The following SWT1 variants were observed in gnomAD, a reference collection of about 807,000 sequenced individuals.
The protein encoded by SWT1 is transcriptional protein SWT1.
In SWT1, 33 loss-of-function variants were observed where a neutral mutation model predicts 107.3. The ratio of observed to expected loss-of-function variants is 0.31; its 90% confidence interval spans 0.23 to 0.41. SWT1 has a LOEUF of 0.41. Ranked by LOEUF, SWT1 falls within the 10% of genes least tolerant of loss-of-function variation. SWT1 has a pLI of 1.00. For synonymous variants in SWT1, 345 were observed against 348.3 expected (o/e 0.99, Z 0.11); for missense variants, 898 against 1,028.9 (o/e 0.87, Z 1.74).
At chr1:185,217,920 G>A (rs1659344963) in intron 14 of SWT1, among the ~76,000 whole-genome samples, 1 of 152,052 alleles carries the variant, frequency 6.6e-6, no homozygotes, top group Non-Finnish European at 1.5e-5. Context: ...ATATTACAAT[G>A]TAATTATAAT....
chr1:185,168,468 T>A, intron 4 of SWT1, 70 bp downstream of exon 4: 1 of 976,464 alleles, frequency 1.0e-6, no homozygotes, highest in Non-Finnish European at 1.4e-6. Context: ...GATTTAAAAA[T>A]TTTTTTTATT....
At chr1:185,240,427 AT>A (rs1207235829) in intron 16 of SWT1, among the ~76,000 whole-genome samples, 1 of 151,930 alleles carries the variant, frequency 6.6e-6, no homozygotes, top group African/African-American at 2.4e-5. Context: ...GGCAGAGGGA[AT>A]TTCTATTCCT....
At chr1:185,224,880 A>C (rs886276685) in intron 15 of SWT1, among the ~76,000 whole-genome samples, 2 of 152,148 alleles carry the variant, frequency 1.3e-5, no homozygotes, top group Non-Finnish European at 2.9e-5. Flanking sequence ...AGAGTTTTCC[A>C]TATATACGAT....
At chr1:185,239,398 A>G (rs1003970405) in intron 16 of SWT1, among the ~76,000 whole-genome samples, 16 of 152,134 alleles carry the variant, frequency 1.1e-4, no homozygotes, top group Admixed American at 3.9e-4. Flanking sequence ...AGTTTTAAGA[A>G]AACTCTAAAC....
Position 185,221,852 on chromosome 1 carries a change from A to G in SWT1, c.2125A>G (p.Lys709Glu). The change falls in exon 15 of 19, where the codon AAG becomes GAG. Residue 709 changes from lysine (K) to glutamate (E), a missense_variant. Around this residue, in one of 6 missense-constraint regions of SWT1, gnomAD observed 382 missense variants for 460.0 expected, o/e 0.83. Coordinates refer to ENST00000367500, the MANE Select transcript of SWT1 (RefSeq NM_017673.7). ...NNLLQTFAEVKTKLKPNSSEN... is the reference protein window; with the variant it reads ...NNLLQTFAEVETKLKPNSSEN... The stretch of plus-strand genomic sequence containing the variant: ...TATGTAATTCTTATTTCCCCAGGTC[A>G]AGACAAAACTTAAGCCAAATTCTTC... 1 of 1,569,084 alleles carries G rather than the reference A, an allele frequency of 6.4e-7. No individual in the cohort carries two copies. The highest frequency in any genetic ancestry group is 8.6e-7 in the Non-Finnish European group (1 of 1,161,232).
chr1:185,255,992 T>G (rs1191846677), intron 16 of SWT1, among the ~76,000 whole-genome samples: 1 of 151,966 alleles, frequency 6.6e-6, no homozygotes, highest in Non-Finnish European at 1.5e-5. Context: ...ACAAAATCTC[T>G]CAGCATTTGC....
intron 16 of SWT1, among the ~76,000 whole-genome samples, chr1:185,257,681 G>A (rs968238763): frequency 6.6e-6 from 1 of 152,352 alleles, no homozygotes; most frequent in East Asian, 1.9e-4. Flanking sequence ...CCCACTGTCT[G>A]GCACTCCCTA....
intron 13 of SWT1, among the ~76,000 whole-genome samples, chr1:185,211,184 A>C (rs1224635868): frequency 6.6e-6 from 1 of 152,190 alleles, no homozygotes; most frequent in Non-Finnish European, 1.5e-5. Context: ...CAGAATTGGA[A>C]AAAAATACTT....
rs1664257878 is a variant in SWT1 at position 185,276,616 on chromosome 1, G to C, written c.2521G>C (p.Val841Leu). The C allele has an allele frequency of 1.3e-6, 2 of 1,579,654 alleles. No homozygotes were observed. The highest frequency in any genetic ancestry group is 1.4e-5 in the African/African-American group (1 of 74,002). ...TGGTTCCTTTCAGGTAAATAAAAAT[G>C]TCAAATTTACTGCCCAGGAAATTTA... is the stretch of plus-strand genomic sequence containing the variant. Reference protein sequence around the residue: ...FLIKYEVNKNVKFTAQEIYDC... With the variant: ...FLIKYEVNKNLKFTAQEIYDC... The change falls in exon 18 of 19, where the codon GTC (valine) becomes CTC (leucine). Residue 841 changes from valine (V) to leucine (L), a missense_variant. Physicochemically the swap from Val to Leu is conservative, Grantham distance 32. Transcript: ENST00000367500.
At chr1:185,251,445 A>G (rs1662013394) in intron 16 of SWT1, 1 of 152,218 alleles carries the variant, frequency 6.6e-6, no homozygotes, top group Admixed American at 6.5e-5. Context: ...CCATATTATT[A>G]TATACTTGCT....
intron 16 of SWT1, among the ~76,000 whole-genome samples, chr1:185,240,502 T>C (rs1439862636): frequency 1.3e-5 from 2 of 152,092 alleles, no homozygotes; most frequent in African/African-American, 2.4e-5. Context: ...GTATATAGCT[T>C]AGTTTTTTTT....
chr1:185,195,555 A>T (rs897830901), intron 10 of SWT1, among the ~76,000 whole-genome samples: 2 of 152,146 alleles, frequency 1.3e-5, no homozygotes, highest in African/African-American at 4.8e-5. Flanking sequence ...CTGGTTCTAG[A>T]TGCATGAGGA....
chr1:185,170,122 A>G (rs1014042918), intron 4 of SWT1, among the ~76,000 whole-genome samples: 13 of 152,244 alleles, frequency 8.5e-5, no homozygotes, highest in African/African-American at 3.1e-4. Context: ...TAGAATTTGA[A>G]CATTCAATTT....
At chr1:185,239,037 C>T (rs1000084928) in intron 16 of SWT1, among the ~76,000 whole-genome samples, 15 of 152,010 alleles carry the variant, frequency 9.9e-5, no homozygotes, top group African/African-American at 3.6e-4. Flanking sequence ...TAGCTCTATT[C>T]CCTTTTATCT....
At chr1:185,262,786 CTTT>C (rs572086827) in intron 16 of SWT1, among the ~76,000 whole-genome samples, 13 of 135,422 alleles carry the variant, frequency 9.6e-5, no homozygotes, top group African/African-American at 8.2e-5. Flanking sequence ...TTTCTTCTTT[CTTT>C]TTTTTTTTTT....
intron 5 of SWT1, 75 bp from the exon 6 acceptor site, chr1:185,180,316 T>G: frequency 8.4e-7 from 1 of 1,188,860 alleles, no homozygotes. Flanking sequence ...ACCCTGAAGG[T>G]TAATAGTGAC....
At chr1:185,245,912 G>A (rs1232413317) in intron 16 of SWT1, among the ~76,000 whole-genome samples, 1 of 151,922 alleles carries the variant, frequency 6.6e-6, no homozygotes, top group African/African-American at 2.4e-5. Context: ...GGGATTACAG[G>A]CACCCACCAT....
chr1:185,266,598 A>G (rs967862685), intron 16 of SWT1: 1 of 148,238 alleles, frequency 6.7e-6, no homozygotes, highest in Non-Finnish European at 1.5e-5. Context: ...TTCCTTCTCC[A>G]CTCCCACTGC....
intron 14 of SWT1, among the ~76,000 whole-genome samples, chr1:185,215,476 G>A (rs1345074190): frequency 1.3e-5 from 2 of 152,128 alleles, no homozygotes; most frequent in African/African-American, 4.8e-5. Flanking sequence ...CAAGTTTCAT[G>A]TGATTCTTAT....
Sources: allele counts gnomAD v4.1 joint callset (sites outside exome capture counted in the v4.1 genomes callset), GRCh38; gene constraint gnomAD v4.1.1; regional missense constraint gnomAD v4.1.1; transcripts MANE v1.5; gene names NCBI Gene and HGNC (gene_info 2026-07-23, HGNC 2026-07-21).